The following NAV3 variants were observed in gnomAD, a reference collection of about 807,000 sequenced individuals.
NAV3 encodes pore membrane and/or filament interacting like protein 1.
Under a neutral mutation model 244.7 loss-of-function variants are expected in NAV3, and 87 were observed. The ratio of observed to expected loss-of-function variants is 0.36; its 90% CI spans 0.30 to 0.42. The LOEUF (loss-of-function observed/expected upper bound fraction) is 0.42, where lower values mean the gene tolerates loss of function less well. Among genes scored for constraint, NAV3 ranks in the 20% least tolerant of loss-of-function variants. The pLI is 1.00. For missense variants in NAV3, 2,663 were observed against 2,893.3 expected, an observed-to-expected ratio of 0.92 and a Z score of 1.83; for synonymous variants, 1,126 against 1,042.2, an observed-to-expected ratio of 1.08 and a Z score of -1.55.
chr12:77,899,649 A>C (rs1037969353), intron 1 of NAV3, among the ~76,000 whole-genome samples: 1 of 152,176 alleles, frequency 6.6e-6, no homozygotes, highest in South Asian at 2.1e-4. Context: ...TTATTGCACT[A>C]TTTGGTTTAA....
intron 9 of NAV3, among the ~76,000 whole-genome samples, chr12:78,028,279 A>G (rs1195084604): frequency 1.3e-5 from 2 of 152,228 alleles, no homozygotes; most frequent in South Asian, 2.1e-4. Context: ...ATCTTTCACA[A>G]TGAACTGGCA....
At chr12:78,187,514 T>C (rs538550662) in intron 31 of NAV3, among the ~76,000 whole-genome samples, 2 of 152,060 alleles carry the variant, frequency 1.3e-5, no homozygotes, top group South Asian at 4.1e-4. Flanking sequence ...AATTTTGAAT[T>C]ATTTACCTTT....
At chr12:78,024,256 A>G (rs1362729045) in intron 9 of NAV3, among the ~76,000 whole-genome samples, 1 of 152,210 alleles carries the variant, frequency 6.6e-6, no homozygotes, top group Non-Finnish European at 1.5e-5. Context: ...TGATGAAATC[A>G]TGACCTGGTT....
chr12:78,143,929 T>C (rs1176529173), intron 20 of NAV3, among the ~76,000 whole-genome samples: 2 of 152,156 alleles, frequency 1.3e-5, no homozygotes, highest in East Asian at 1.9e-4. Flanking sequence ...CTAGTTTTCA[T>C]TGTGCTGTTG....
intron 2 of NAV3, among the ~76,000 whole-genome samples, chr12:77,673,435 G>A (rs1481453026): frequency 6.6e-6 from 1 of 151,912 alleles, no homozygotes; most frequent in Non-Finnish European, 1.5e-5. Flanking sequence ...TAACTGTTAA[G>A]GTTTTCTTTT....
At chr12:77,906,588 G>A (rs565126961) in intron 1 of NAV3, among the ~76,000 whole-genome samples, 1 of 152,092 alleles carries the variant, frequency 6.6e-6, no homozygotes, top group South Asian at 2.1e-4. Flanking sequence ...AGGTATTTTA[G>A]CAGACTATTA....
chr12:78,097,335 CTGTT>C (rs954606450), intron 12 of NAV3, among the ~76,000 whole-genome samples: 3 of 152,146 alleles, frequency 2.0e-5, no homozygotes, highest in African/African-American at 7.2e-5. Flanking sequence ...CAGCAGTTGG[CTGTT>C]TGTGCTAGAA....
At chr12:77,880,577 A>G (rs892018182) in intron 1 of NAV3, among the ~76,000 whole-genome samples, 1 of 152,062 alleles carries the variant, frequency 6.6e-6, no homozygotes, top group Non-Finnish European at 1.5e-5. Flanking sequence ...AATTATGACC[A>G]GAGATATTAT....
chr12:77,735,074 T>A (rs1053338960), intron 2 of NAV3, among the ~76,000 whole-genome samples: 1 of 152,176 alleles, frequency 6.6e-6, no homozygotes, highest in Non-Finnish European at 1.5e-5. Flanking sequence ...GTATAGGCTC[T>A]TACATAGTAT....
At chr12:77,618,075 A>G (rs1871212153) in intron 2 of NAV3, among the ~76,000 whole-genome samples, 1 of 152,152 alleles carries the variant, frequency 6.6e-6, no homozygotes, top group South Asian at 2.1e-4. Flanking sequence ...GATTAGTAGT[A>G]TAGAATTTTT....
intron 1 of NAV3, among the ~76,000 whole-genome samples, chr12:77,906,060 TG>T (rs1885935084): frequency 6.6e-6 from 1 of 152,114 alleles, no homozygotes; most frequent in African/African-American, 2.4e-5. Flanking sequence ...CTGAAAATTG[TG>T]GAGCATGCAG....
intron 23 of NAV3, among the ~76,000 whole-genome samples, chr12:78,166,843 G>A (rs1424771081): frequency 1.3e-5 from 2 of 151,728 alleles, no homozygotes; most frequent in Non-Finnish European, 3.0e-5. Context: ...CTGTTGGCAT[G>A]AGGTCTCATT....
intron 1 of NAV3, among the ~76,000 whole-genome samples, chr12:77,926,864 A>G (rs1017651028): frequency 3.9e-5 from 6 of 152,206 alleles, no homozygotes; most frequent in African/African-American, 1.2e-4. Flanking sequence ...TTCTCTGTTA[A>G]TTGTTGGAAA....
chr12:77,890,820 T>C (rs1431036550), intron 1 of NAV3, among the ~76,000 whole-genome samples: 2 of 152,212 alleles, frequency 1.3e-5, no homozygotes, highest in Non-Finnish European at 2.9e-5. Context: ...ATCTGTAAAC[T>C]CTGCAGGAAA....
At position 77,852,548 on chromosome 12, in the gene NAV3, T is replaced by TAAAG. The variant is rs1252312409; in HGVS notation, c.243+20847_243+20848insGAAA. 7.4e-5 allele frequency among the ~76,000 whole-genome samples: 11 copies of TAAAG among 149,298 alleles called. No individual in the cohort carries two copies. In the South Asian group the frequency reaches 1.4e-3, roughly 19 times the overall value. ...AACGAGACTCCCTCTCATAAATAAA[T>TAAAG]AAATAAATAAATAAATAAATAAATA... On this transcript the variant is annotated intron_variant, in intron 1 of 39. Coordinates refer to ENST00000397909, the MANE Select transcript of NAV3 (RefSeq NM_001024383.2).
chr12:77,819,927 C>G (rs1180561478), intron 2 of NAV3, among the ~76,000 whole-genome samples: 1 of 151,974 alleles, frequency 6.6e-6, no homozygotes, highest in African/African-American at 2.4e-5. Flanking sequence ...CTGTTGCTGT[C>G]AGAAATCATT....
intron 3 of NAV3, 57 bp from the exon 4 acceptor site, chr12:77,966,172 T>C (rs1892496159): frequency 7.2e-7 from 1 of 1,395,152 alleles, no homozygotes; most frequent in Non-Finnish European, 1.0e-6. Flanking sequence ...TTTTGGCACA[T>C]GTATTTGTTA....
At chr12:78,141,501 A>T (rs1956612377) in intron 20 of NAV3, among the ~76,000 whole-genome samples, 1 of 152,170 alleles carries the variant, frequency 6.6e-6, no homozygotes, top group Non-Finnish European at 1.5e-5. Context: ...TCAACTGAGC[A>T]TCATGGGCAG....
intron 2 of NAV3, among the ~76,000 whole-genome samples, chr12:77,708,589 C>A (rs552473555): frequency 6.6e-6 from 1 of 151,974 alleles, no homozygotes; most frequent in Non-Finnish European, 1.5e-5. Context: ...TTTTCCAATT[C>A]TGTGAAGAAG....
Sources: allele counts gnomAD v4.1 joint callset (sites outside exome capture counted in the v4.1 genomes callset), GRCh38; gene constraint gnomAD v4.1.1; transcripts MANE v1.5; gene names NCBI Gene and HGNC (gene_info 2026-07-23, HGNC 2026-07-21).